BSN: variants seen among roughly 807,000 people sequenced by gnomAD.
BSN encodes protein bassoon.
BSN carries 57 observed loss-of-function variants against 264.8 expected under a neutral mutation model. The ratio of observed to expected loss-of-function variants is 0.22; its 90% CI spans 0.17 to 0.27. BSN has a LOEUF of 0.27. BSN is among the 10% of genes least tolerant of loss of function. The pLI, the probability that BSN is intolerant of heterozygous loss-of-function variation, is 1.00. For missense variants in BSN, 4,615 were observed against 5,232.5 expected (o/e 0.88, Z 3.64); for synonymous variants, 2,059 against 2,137.3 (o/e 0.96, Z 1.01).
chr3:49,615,741 T>A (rs2052255008), intron 1 of BSN, among the ~76,000 whole-genome samples: 1 of 152,200 alleles, frequency 6.6e-6, no homozygotes, highest in East Asian at 1.9e-4. Flanking sequence ...CCTAGGACAA[T>A]CAGGAAGCTG....
In BSN at chr3:49,653,162, A is replaced by G; in HGVS notation, c.3606A>G (p.Gln1202=). ...MRKAELLQRQ[Q]GQAAGARGPH... The stretch of plus-strand genomic sequence containing the variant: ...AAGCTGAGCTGCTCCAGAGGCAGCA[A>G]GGCCAGGCAGCAGGGGCCCGGGGAC... The change falls in exon 5 of 12, where the codon CAA becomes CAG. Residue 1202 remains glutamine, a synonymous_variant. Transcript: ENST00000296452. The surrounding 1 kb of genome is among the most constrained non-coding windows in gnomAD (Gnocchi z 6.3). 6.2e-7 allele frequency: 1 copy of G among 1,612,606 alleles called. No homozygotes were observed. The highest frequency in any genetic ancestry group is 8.5e-7 in the Non-Finnish European group (1 of 1,179,784).
chr3:49,656,360 C>T lies in BSN; in HGVS notation c.6804C>T (p.Pro2268=). The change falls in exon 5 of 12, where the codon CCC becomes CCT. Residue 2268 remains proline, a synonymous_variant. Coordinates refer to ENST00000296452, the MANE Select transcript of BSN (RefSeq NM_003458.4). The stretch of plus-strand genomic sequence containing the variant: ...GCTATCCTGCACCAAGTAGATTTCC[C>T]ATTGCTTCCAGTGTTCCACCTGCAG... ...LYRYPAPSRF[P]IASSVPPAEG... is the part of the protein sequence containing the mutation. 1 of 1,603,808 alleles carries T rather than the reference C, an allele frequency of 6.2e-7. No individual in the cohort carries two copies.
intron 1 of BSN, among the ~76,000 whole-genome samples, chr3:49,581,129 G>GT (rs1277028777): frequency 1.3e-5 from 2 of 152,090 alleles, no homozygotes; most frequent in Non-Finnish European, 2.9e-5. Context: ...CTACAGAAGT[G>GT]TGCCACCATG....
Position 49,625,443 on chromosome 3 carries a change from G to A in BSN, c.633+60G>A. 1 of 1,382,284 alleles carries A rather than the reference G, an allele frequency of 7.2e-7. No individual in the cohort carries two copies. Among genetic ancestry groups the A allele is most frequent in the Non-Finnish European group, 9.4e-7 (1 of 1,061,640 alleles). The allele number at this position is 1,382,284 out of a possible 1,614,324, so 85.6% of individuals were successfully genotyped here. A position where few individuals can be genotyped will look rare whatever the true frequency, so the allele number is the denominator to read the frequency against. On this transcript the variant is annotated intron_variant, in intron 2 of 11. Coordinates refer to ENST00000296452, the MANE Select transcript of BSN (RefSeq NM_003458.4). The surrounding 1 kb of genome is among the most constrained non-coding windows in gnomAD (Gnocchi z 4.4). ...CTACCTCATTACCATACCTCCCCTG[G>A]TTCCCTTCCCCTCTTTCACCAACTC... is the stretch of plus-strand genomic sequence containing the variant.
At position 49,658,176 on chromosome 3, in the gene BSN, C is replaced by A; in HGVS notation, c.8620C>A (p.Gln2874Lys). The A allele has an allele frequency of 6.3e-7, 1 of 1,577,598 alleles. No homozygotes were observed. The highest frequency in any genetic ancestry group is 8.6e-7 in the Non-Finnish European group (1 of 1,156,870). ...AGAGAGATTCTCCCTCTACCAGCAC[C>A]AGGGGGGACTGGGTAGCCAGGTATG... is the stretch of plus-strand genomic sequence containing the variant. ...AKERFSLYQH[Q>K]GGLGSQVSAL... Residue 2874 changes from glutamine (Q) to lysine (K), a missense_variant, in exon 5 of 12, where the codon CAG becomes AAG. Physicochemically the swap from Gln to Lys is moderately conservative, Grantham distance 53. Transcript: ENST00000296452.
At chr3:49,641,560 T>C (rs1187099941) in intron 2 of BSN, 3 of 152,204 alleles carry the variant, frequency 2.0e-5, no homozygotes, top group Non-Finnish European at 4.4e-5. Context: ...TTTAAAAAGC[T>C]ATCTTCCTTA....
chr3:49,631,811 G>A (rs1332608614), intron 2 of BSN, among the ~76,000 whole-genome samples: 1 of 152,152 alleles, frequency 6.6e-6, no homozygotes, highest in East Asian at 1.9e-4. Flanking sequence ...GCAGTAGGAA[G>A]GTCAGATGTG....
chr3:49,657,441 C>G lies in BSN; in HGVS notation c.7885C>G (p.Arg2629Gly). ...TGAGTGGGAGCAGCCAGTGCGCCGC[C>G]GCAGGTCTCGTCTTCCCCGCCACTC... is the stretch of plus-strand genomic sequence containing the variant. ...SAEWEQPVRR[R>G]RSRLPRHSDS... is the part of the protein sequence containing the mutation. Residue 2629 changes from arginine (R) to glycine (G), a missense_variant, in exon 5 of 12, where the codon CGC (arginine) becomes GGC (glycine). Physicochemically the swap from Arg to Gly is moderately radical, Grantham distance 125 (BLOSUM62 -2). Coordinates refer to ENST00000296452, the MANE Select transcript of BSN (RefSeq NM_003458.4). 6.2e-7 allele frequency: 1 copy of G among 1,612,816 alleles called. No homozygotes were observed. The highest frequency in any genetic ancestry group is 8.5e-7 in the Non-Finnish European group (1 of 1,179,836).
intron 11 of BSN, among the ~76,000 whole-genome samples, chr3:49,666,909 C>T (rs933714334): frequency 4.6e-5 from 7 of 152,216 alleles, no homozygotes; most frequent in Non-Finnish European, 8.8e-5. Flanking sequence ...GGGCTTCCTG[C>T]GGCTTCCCGC....
At chr3:49,612,055 G>A (rs962988605) in intron 1 of BSN, among the ~76,000 whole-genome samples, 17 of 152,008 alleles carry the variant, frequency 1.1e-4, no homozygotes, top group African/African-American at 3.9e-4. Context: ...AAAACTGCAA[G>A]AGGAATAAGA....
chr3:49,653,569 C>T lies in BSN; in HGVS notation c.4013C>T (p.Pro1338Leu). The T allele has an allele frequency of 6.2e-7, 1 of 1,613,886 alleles. No individual in the cohort carries two copies. The highest frequency in any genetic ancestry group is 2.2e-5 in the East Asian group (1 of 44,868). ...GACAGCAGCGGGGGCCGAGTTATTC[C>T]CGATGTCCGTGTCACTCAGCATTTT... ...SSDSSGGRVI[P>L]DVRVTQHFAK... Residue 1338 changes from proline to leucine, a missense_variant, in exon 5 of 12, where the codon CCC (proline) becomes CTC (leucine). By Grantham distance (98) the Pro-to-Leu change is moderately conservative. Around this residue, in one of 3 missense-constraint regions of BSN, gnomAD observed 3,415 missense variants for 3,866.4 expected, o/e 0.88. Coordinates refer to ENST00000296452, the MANE Select transcript of BSN (RefSeq NM_003458.4). The surrounding 1 kb of genome is among the most constrained non-coding windows in gnomAD (Gnocchi z 6.3).
chr3:49,658,180 G>C lies in BSN; in HGVS notation c.8624G>C (p.Gly2875Ala). Residue 2875 changes from glycine (G) to alanine (A), a missense_variant, in exon 5 of 12, where the codon GGG (glycine) becomes GCG (alanine). By Grantham distance (60) the Gly-to-Ala change is moderately conservative (BLOSUM62 0). Coordinates refer to ENST00000296452, the MANE Select transcript of BSN (RefSeq NM_003458.4). ...AGATTCTCCCTCTACCAGCACCAGG[G>C]GGGACTGGGTAGCCAGGTATGGGAA... ...KERFSLYQHQ[G>A]GLGSQVSALP... 6.4e-7 allele frequency: 1 copy of C among 1,574,466 alleles called. No individual in the cohort carries two copies. Among genetic ancestry groups the C allele is most frequent in the Non-Finnish European group, 8.7e-7 (1 of 1,155,310 alleles).
At chr3:49,574,503 G>C (rs1036201057) in intron 1 of BSN, among the ~76,000 whole-genome samples, 1 of 151,744 alleles carries the variant, frequency 6.6e-6, no homozygotes, top group African/African-American at 2.4e-5. Flanking sequence ...GCGTGGTCTC[G>C]GCTCACTGCA....
intron 1 of BSN, among the ~76,000 whole-genome samples, chr3:49,623,252 C>T (rs1403081771): frequency 6.6e-6 from 1 of 152,224 alleles, no homozygotes; most frequent in Non-Finnish European, 1.5e-5. Context: ...CCAGGGCAGT[C>T]TCCTGCACAG....
chr3:49,656,190 C>A lies in BSN; in HGVS notation c.6634C>A (p.Pro2212Thr). The change falls in exon 5 of 12, where the codon CCT becomes ACT. Residue 2212 changes from proline (P) to threonine (T), a missense_variant. Pro to Thr is a conservative substitution (Grantham distance 38, BLOSUM62 -1). Around this residue, in one of 3 missense-constraint regions of BSN, gnomAD observed 3,415 missense variants for 3,866.4 expected, o/e 0.88. Transcript: ENST00000296452. ...IAATLPITTQ[P>T]ASVLRPMVRG... is the part of the protein sequence containing the mutation. ...TGCAACACTGCCCATCACCACCCAG[C>A]CTGCCTCAGTCCTGCGGCCCATGGT... 1 of 1,611,914 alleles carries A rather than the reference C, an allele frequency of 6.2e-7. No individual in the cohort carries two copies.
chr3:49,650,662 C>T lies in BSN; in HGVS notation c.1569C>T (p.Gly523=), dbSNP rs569440754. 1.2e-4 allele frequency: 189 copies of T among 1,609,078 alleles called. 2 individuals are homozygous for T. In the South Asian group the frequency reaches 1.8e-3, roughly 15 times the overall value. Residue 523 remains glycine, a synonymous_variant, in exon 4 of 12, where the codon GGC becomes GGT. Transcript: ENST00000296452. ...LNCQTKRLLE[G]SLGEPTPLPP... ...GCCAAACCAAGCGGCTACTGGAGGG[C>T]AGCCTAGGAGAGCCGACCCCCCTGC...
chr3:49,584,993 G>A (rs948951214), intron 1 of BSN, among the ~76,000 whole-genome samples: 3 of 152,136 alleles, frequency 2.0e-5, no homozygotes, highest in Non-Finnish European at 4.4e-5. Context: ...TGGCTGAGTA[G>A]TACTCCACTG....
chr3:49,653,903 T>C lies in BSN; in HGVS notation c.4347T>C (p.Ala1449=), dbSNP rs2052568250. ...GCCTTGCTGCAGCTGGACGAGCTGC[T>C]AGAGAGAAGCCCTTGAGTGCGAGTG... ...PSGLAAAGRA[A]REKPLSASDG... The change falls in exon 5 of 12, where the codon GCT becomes GCC. Residue 1449 remains alanine, a synonymous_variant. Coordinates refer to ENST00000296452, the MANE Select transcript of BSN (RefSeq NM_003458.4). The surrounding 1 kb of genome is among the most constrained non-coding windows in gnomAD (Gnocchi z 6.3). 6.2e-7 allele frequency: 1 copy of C among 1,614,126 alleles called. No homozygotes were observed. The highest frequency in any genetic ancestry group is 8.5e-7 in the Non-Finnish European group (1 of 1,180,006).
At chr3:49,612,750 G>GAACAA (rs1400290763) in intron 1 of BSN, among the ~76,000 whole-genome samples, 4 of 152,148 alleles carry the variant, frequency 2.6e-5, no homozygotes, top group Admixed American at 6.5e-5. Flanking sequence ...CTGGAGAAGA[G>GAACAA]AACAAAACAA....
Sources: gnomAD v4.1 joint callset for allele counts (sites outside exome capture counted in the v4.1 genomes callset) on GRCh38, gnomAD v4.1.1 for gene constraint, gnomAD v4.1.1 regional missense constraint, Gnocchi (gnomAD v3.1) non-coding constraint, MANE v1.5 for transcripts, NCBI Gene and HGNC (gene_info 2026-07-23, HGNC 2026-07-21) for gene names.